Variants in NAV3 observed in about 807,000 individuals in gnomAD.
NAV3 encodes the protein pore membrane and/or filament interacting like protein 1.
In NAV3, 87 loss-of-function variants were observed where a neutral mutation model predicts 244.7. The ratio of observed to expected loss-of-function variants is 0.36; its 90% CI spans 0.30 to 0.42. The LOEUF (loss-of-function observed/expected upper bound fraction) is 0.42, where lower values mean the gene tolerates loss of function less well. NAV3 is among the 20% of genes least tolerant of loss of function. The probability of loss-of-function intolerance (pLI) is 1.00; values close to 1 mark genes in which losing one functional copy is unlikely to be tolerated. For missense variants in NAV3, 2,663 were observed against 2,893.3 expected, an observed-to-expected ratio of 0.92 and a Z score of 1.83; for synonymous variants, 1,126 against 1,042.2, an observed-to-expected ratio of 1.08 and a Z score of -1.55.
chr12:77,947,420 T>A (rs894922988), intron 3 of NAV3: 2 of 151,770 alleles, frequency 1.3e-5, no homozygotes, highest in African/African-American at 4.8e-5. Context: ...ATTTTTTTTT[T>A]TTTTTAGGTA....
chr12:77,686,853 C>CT (rs1468870300), intron 2 of NAV3, among the ~76,000 whole-genome samples: 3 of 151,898 alleles, frequency 2.0e-5, no homozygotes, highest in African/African-American at 2.4e-5. Context: ...TTAATAGTTT[C>CT]TTTTTTCTAA....
At chr12:78,139,229 A>C (rs1956502641) in intron 19 of NAV3, among the ~76,000 whole-genome samples, 1 of 152,104 alleles carries the variant, frequency 6.6e-6, no homozygotes, top group Non-Finnish European at 1.5e-5. Flanking sequence ...AGTTTTAAAA[A>C]GGTTCTTCCT....
intron 2 of NAV3, among the ~76,000 whole-genome samples, chr12:77,811,942 C>T (rs950486502): frequency 6.6e-6 from 1 of 152,208 alleles, no homozygotes; most frequent in African/African-American, 2.4e-5. Flanking sequence ...AACCTGCTAT[C>T]GCCAGCCATG....
At chr12:77,697,373 C>T (rs1213245994) in intron 2 of NAV3, among the ~76,000 whole-genome samples, 1 of 152,138 alleles carries the variant, frequency 6.6e-6, no homozygotes, top group African/African-American at 2.4e-5. Flanking sequence ...GCTGAAAGCA[C>T]AGATGTTAGA....
At chr12:78,030,758 G>T (rs1325460170) in intron 9 of NAV3, among the ~76,000 whole-genome samples, 1 of 152,042 alleles carries the variant, frequency 6.6e-6, no homozygotes, top group East Asian at 1.9e-4. Context: ...ATAGGCACAT[G>T]GAAACAACTA....
chr12:77,917,650 C>T (rs1887285988), intron 1 of NAV3, among the ~76,000 whole-genome samples: 1 of 151,758 alleles, frequency 6.6e-6, no homozygotes, highest in Non-Finnish European at 1.5e-5. Context: ...TTTAATTTGC[C>T]CATGTGTGGA....
chr12:77,692,082 G>T (rs1488719419), intron 2 of NAV3, among the ~76,000 whole-genome samples: 1 of 151,968 alleles, frequency 6.6e-6, no homozygotes, highest in Non-Finnish European at 1.5e-5. Flanking sequence ...TGATTCTAGT[G>T]TACAACCAAG....
chr12:77,925,236 T>G (rs1303849481), intron 1 of NAV3, among the ~76,000 whole-genome samples: 1 of 152,180 alleles, frequency 6.6e-6, no homozygotes, highest in Non-Finnish European at 1.5e-5. Flanking sequence ...AAGGTCAACT[T>G]TAATCATAGG....
At position 78,091,728 on chromosome 12, in the gene NAV3, G is replaced by A. The variant is rs1425764070; in HGVS notation, c.2637-25044G>A. 34 of 144,628 alleles carry A rather than the reference G, an allele frequency of 2.4e-4. No homozygotes were observed. In the Admixed American group the frequency reaches 2.4e-3, roughly 10 times the overall value. The allele number at this position is 144,628 out of a possible 1,614,324, so 9.0% of individuals were successfully genotyped here. A position where few individuals can be genotyped will look rare whatever the true frequency, so the allele number is the denominator to read the frequency against. On this transcript the variant is annotated intron_variant, in intron 12 of 39. Transcript: ENST00000397909. ...GGAGAATGGCGTGAACCCGGGAGGC[G>A]GAGCTTGCAGTGAGCCGAGATCCCG...
chr12:78,018,700 A>G (rs1299852012), intron 8 of NAV3, among the ~76,000 whole-genome samples: 1 of 152,202 alleles, frequency 6.6e-6, no homozygotes, highest in African/African-American at 2.4e-5. Context: ...CAGTTCAACA[A>G]GGTGCTGTGT....
chr12:77,615,791 AATTAGGGC>A (rs1420469063), intron 2 of NAV3, among the ~76,000 whole-genome samples: 1 of 152,166 alleles, frequency 6.6e-6, no homozygotes, highest in Non-Finnish European at 1.5e-5. Context: ...AGTCTTCTTC[AATTAGGGC>A]ACAGACAAAT....
chr12:78,007,864 T>G (rs1020651826), intron 8 of NAV3, among the ~76,000 whole-genome samples: 1 of 152,216 alleles, frequency 6.6e-6, no homozygotes, highest in African/African-American at 2.4e-5. Context: ...TATACCATAA[T>G]GGTTAAAGAG....
At chr12:77,583,286 G>A (rs1869451922) in intron 2 of NAV3, among the ~76,000 whole-genome samples, 1 of 152,110 alleles carries the variant, frequency 6.6e-6, no homozygotes, top group African/African-American at 2.4e-5. Flanking sequence ...AATATTGTTA[G>A]GTACGATGTA....
Position 77,757,915 on chromosome 12 carries a change from C to T in NAV3, c.73-182404C>T, listed in dbSNP as rs1473002192. On this transcript the variant is annotated intron_variant, in intron 2 of 8. Transcript: ENST00000550042. The stretch of plus-strand genomic sequence containing the variant: ...CTTCCATCAGAACCTTCTGAGACCC[C>T]ATTTCACTCAGAATTAAGTAGAAGT... 2.0e-5 allele frequency among the ~76,000 whole-genome samples: 3 copies of T among 152,150 alleles called. No individual in the cohort carries two copies. In the East Asian group the frequency reaches 5.8e-4, roughly 29 times the overall value.
chr12:77,738,814 T>C (rs1241876520), intron 2 of NAV3, among the ~76,000 whole-genome samples: 2 of 151,836 alleles, frequency 1.3e-5, no homozygotes, highest in African/African-American at 4.8e-5. Context: ...ATCGAGACCA[T>C]CCTGGCTAAC....
At chr12:77,773,826 T>A (rs893174800) in intron 2 of NAV3, among the ~76,000 whole-genome samples, 5 of 152,152 alleles carry the variant, frequency 3.3e-5, no homozygotes, top group African/African-American at 1.2e-4. Flanking sequence ...ATTTCCTACT[T>A]TTTTAGGTCA....
intron 5 of NAV3, among the ~76,000 whole-genome samples, chr12:77,990,278 A>C (rs538436686): frequency 1.3e-5 from 2 of 152,208 alleles, no homozygotes; most frequent in African/African-American, 4.8e-5. Context: ...TGGGGAAGGC[A>C]TGTGGCTACA....
intron 12 of NAV3, among the ~76,000 whole-genome samples, chr12:78,066,187 C>T (rs1322149957): frequency 6.6e-6 from 1 of 152,044 alleles, no homozygotes; most frequent in Non-Finnish European, 1.5e-5. Flanking sequence ...CCTCTTCAGA[C>T]ACAAATCTGC....
chr12:77,843,585 T>G (rs994372501), intron 1 of NAV3, among the ~76,000 whole-genome samples: 9 of 152,042 alleles, frequency 5.9e-5, no homozygotes, highest in African/African-American at 2.2e-4. Context: ...TTTAGGAATC[T>G]ATATTCATTT....
Sources: allele counts gnomAD v4.1 joint callset (sites outside exome capture counted in the v4.1 genomes callset), GRCh38; gene constraint gnomAD v4.1.1; transcripts MANE v1.5; gene names NCBI Gene and HGNC (gene_info 2026-07-23, HGNC 2026-07-21).